The following ATIC variants were observed in gnomAD, a reference collection of about 807,000 sequenced individuals.
The protein encoded by ATIC is bifunctional purine biosynthesis protein ATIC.
A neutral mutation model predicts 72.5 loss-of-function variants in ATIC; 64 were observed. That is an observed-to-expected ratio of 0.88 (90% confidence interval 0.72 to 1.09). The LOEUF is 1.09. Ranked by LOEUF, ATIC falls within the 50% of genes least tolerant of loss-of-function variation. The pLI is 0.00. For missense variants in ATIC, 787 were observed against 732.4 expected, an observed-to-expected ratio of 1.07 and a Z score of -0.86; for synonymous variants, 281 against 267.1, an observed-to-expected ratio of 1.05 and a Z score of -0.51.
At chr2:215,348,379 C>T (rs2053093593) in intron 14 of ATIC, among the ~76,000 whole-genome samples, 1 of 151,982 alleles carries the variant, frequency 6.6e-6, no homozygotes, top group Non-Finnish European at 1.5e-5. Context: ...TACAGTAGTA[C>T]CAAAGCAGTA....
chr2:215,317,050 A>G (rs1317330805), intron 2 of ATIC, among the ~76,000 whole-genome samples: 1 of 152,104 alleles, frequency 6.6e-6, no homozygotes, highest in Non-Finnish European at 1.5e-5. Context: ...GGTGTGAGCC[A>G]CCCCACCTGG....
chr2:215,358,885 T>A, the ATIC span, among the ~76,000 whole-genome samples: 29 of 152,352 alleles, frequency 1.9e-4, no homozygotes, highest in South Asian at 1.4e-3. Flanking sequence ...CTGCATTTTT[T>A]AAATTTTTTA....
the ATIC span, among the ~76,000 whole-genome samples, chr2:215,357,912 T>A: frequency 1.3e-5 from 2 of 151,956 alleles, no homozygotes; most frequent in Non-Finnish European, 2.9e-5. Flanking sequence ...AATTGTAACC[T>A]GCCACATTCC....
intron 12 of ATIC, among the ~76,000 whole-genome samples, chr2:215,340,622 G>A (rs890696185): frequency 5.3e-5 from 8 of 152,144 alleles, no homozygotes; most frequent in Admixed American, 2.0e-4. Context: ...GGTGTAGGAG[G>A]TATCTTCATT....
At chr2:215,325,073 C>CT (rs1288994978) in intron 4 of ATIC, 168 bp from the exon 5 acceptor site, 1 of 600,998 alleles carries the variant, frequency 1.7e-6, no homozygotes, top group African/African-American at 1.9e-5. Context: ...GACACCCTGA[C>CT]TTTTTAACAC....
chr2:215,367,913 AAC>A, the ATIC span: 1 of 1,614,184 alleles, frequency 6.2e-7, no homozygotes, highest in Non-Finnish European at 8.5e-7. Context: ...GCACTGGCAC[AAC>A]AGTTTAAAGC....
chr2:215,331,811 T>C (rs2052898000), intron 7 of ATIC, among the ~76,000 whole-genome samples: 1 of 152,222 alleles, frequency 6.6e-6, no homozygotes, highest in African/African-American at 2.4e-5. Context: ...TGGAAAACTC[T>C]GAAGTTGCAG....
Position 215,332,507 on chromosome 2 carries a change from G to A in ATIC, c.814G>A (p.Gly272Ser). ...CTCTTTCAAACATGTCAGCCCAGCAGGTAAAGCTCTGTGCTCTGGAAAGCT... is the reference window on the plus strand; with the variant it reads ...CTCTTTCAAACATGTCAGCCCAGCAAGTAAAGCTCTGTGCTCTGGAAAGCT... ...AASFKHVSPA[G>S]AAVGIPLSED... The change falls in exon 8 of 16, where the codon GGT becomes AGT. Residue 272 changes from glycine (G) to serine (S), a missense_variant and splice_region_variant. Gly to Ser is a moderately conservative substitution (Grantham distance 56). Coordinates refer to ENST00000236959, the MANE Select transcript of ATIC (RefSeq NM_004044.7). The A allele has an allele frequency of 6.2e-7, 1 of 1,614,084 alleles. No homozygotes were observed. The highest frequency in any genetic ancestry group is 8.5e-7 in the Non-Finnish European group (1 of 1,180,034).
intron 7 of ATIC, among the ~76,000 whole-genome samples, chr2:215,330,712 CTTTTTT>C (rs111990936): frequency 7.1e-6 from 1 of 140,896 alleles, no homozygotes; most frequent in African/African-American, 2.6e-5. Flanking sequence ...TTTCTCTTTT[CTTTTTT>C]TTTTTTTTGG....
At chr2:215,352,715 A>C (rs2053139870), downstream of ATIC, among the ~76,000 whole-genome samples, 1 of 151,984 alleles carries the variant, frequency 6.6e-6, no homozygotes, top group Non-Finnish European at 1.5e-5. Flanking sequence ...GATCTCTCCC[A>C]ATGGCTAATT....
intron 4 of ATIC, among the ~76,000 whole-genome samples, chr2:215,321,751 A>C (rs2052769874): frequency 6.6e-6 from 1 of 152,198 alleles, no homozygotes; most frequent in African/African-American, 2.4e-5. Context: ...TGTGCTTCCT[A>C]GCCAGTTGTT....
chr2:215,318,111 C>A, intron 2 of ATIC, 46 bp from the exon 3 acceptor site: 1 of 1,530,896 alleles, frequency 6.5e-7, no homozygotes, highest in Non-Finnish European at 9.1e-7. Flanking sequence ...GTGAAAATTA[C>A]AATTCAGCCA....
chr2:215,318,121 A>G, intron 2 of ATIC, 36 bp from the exon 3 acceptor site: 2 of 1,570,048 alleles, frequency 1.3e-6, no homozygotes, highest in Non-Finnish European at 1.8e-6. Flanking sequence ...CAATTCAGCC[A>G]CACCAGTAGT....
rs1465231479 is a variant in ATIC at position 215,326,067 on chromosome 2, G to T, written c.460G>T (p.Val154Leu). 3 of 1,614,150 alleles carry T rather than the reference G, an allele frequency of 1.9e-6. No homozygotes were observed. Among genetic ancestry groups the T allele is most frequent in the Non-Finnish European group, 2.5e-6 (3 of 1,180,020 alleles). Residue 154 changes from valine (V) to leucine (L), a missense_variant, in exon 6 of 16, where the codon GTG (valine) becomes TTG (leucine). Transcript: ENST00000236959. ...VVCEPEDYVV[V>L]STEMQSSESK... ...GTGTGAACCAGAGGACTATGTGGTG[G>T]TGTCCACGGAGATGCAGAGCTCCGA...
chr2:215,326,686 TG>T, intron 6 of ATIC, 135 bp from the exon 7 acceptor site: 1 of 1,011,392 alleles, frequency 9.9e-7, no homozygotes, highest in Non-Finnish European at 1.6e-6. Context: ...CTGTCATTCA[TG>T]GTGTCATCGT....
At chr2:215,320,447 G>C (rs997146551) in intron 4 of ATIC, among the ~76,000 whole-genome samples, 2 of 152,182 alleles carry the variant, frequency 1.3e-5, no homozygotes, top group African/African-American at 4.8e-5. Context: ...TCAACTTCTG[G>C]TGAGGGCCTC....
chr2:215,365,545 T>C, the ATIC span: 2 of 1,614,110 alleles, frequency 1.2e-6, no homozygotes, highest in East Asian at 2.2e-5. Flanking sequence ...TCCCAAGACA[T>C]GTGCAGCTCA....
chr2:215,329,679 A>G (rs920446448), intron 7 of ATIC, among the ~76,000 whole-genome samples: 10 of 152,210 alleles, frequency 6.6e-5, no homozygotes, highest in African/African-American at 2.4e-4. Context: ...GCTATTTACT[A>G]GATTAAGCAA....
At position 215,349,682 on chromosome 2, in the gene ATIC, G is replaced by C. The variant is rs188585135; in HGVS notation, c.*27G>C. The C allele has an allele frequency of 6.2e-7, 1 of 1,614,022 alleles. No individual in the cohort carries two copies. The highest frequency in any genetic ancestry group is 1.1e-5 in the South Asian group (1 of 91,066). ...TTTACCACACACTGTTTTTTGGCTT[G>C]CTTATGTGTAGGTGAACAGTCACGC... On this transcript the variant is annotated 3_prime_UTR_variant, in exon 16 of 16. Coordinates refer to ENST00000236959, the MANE Select transcript of ATIC (RefSeq NM_004044.7).
Sources: gnomAD v4.1 joint callset for allele counts (sites outside exome capture counted in the v4.1 genomes callset) on GRCh38, gnomAD v4.1.1 for gene constraint, MANE v1.5 for transcripts, NCBI Gene and HGNC (gene_info 2026-07-23, HGNC 2026-07-21) for gene names.